BCKDHB: variants seen among roughly 807,000 people sequenced by gnomAD.
BCKDHB encodes 2-oxoisovalerate dehydrogenase subunit beta, mitochondrial.
Under a neutral mutation model 48.5 loss-of-function variants are expected in BCKDHB, and 41 were observed. That is an observed-to-expected ratio of 0.85 (90% confidence interval 0.66 to 1.10). The LOEUF is 1.10. Ranked by LOEUF, BCKDHB falls within the 50% of genes least tolerant of loss-of-function variation. The probability of loss-of-function intolerance (pLI) is 0.00; values close to 1 mark genes in which losing one functional copy is unlikely to be tolerated. For missense variants in BCKDHB, 496 were observed against 494.2 expected, an observed-to-expected ratio of 1.00 and a Z score of -0.03; for synonymous variants, 201 against 174.8, an observed-to-expected ratio of 1.15 and a Z score of -1.18.
chr6:80,298,949 A>G (rs969590043), intron 9 of BCKDHB, among the ~76,000 whole-genome samples: 1 of 152,164 alleles, frequency 6.6e-6, no homozygotes, highest in Non-Finnish European at 1.5e-5. Flanking sequence ...GGTCCCGTAT[A>G]TGCCTAATTC....
At chr6:80,465,890 G>A in the BCKDHB span, 1 of 152,164 alleles carries the variant, frequency 6.6e-6, no homozygotes, top group Non-Finnish European at 1.5e-5. Context: ...AGATTATGAA[G>A]GGTAGATGCT....
intron 9 of BCKDHB, among the ~76,000 whole-genome samples, chr6:80,288,982 A>G (rs1170442917): frequency 6.6e-6 from 1 of 152,136 alleles, no homozygotes. Flanking sequence ...GGGACAGAGC[A>G]TATCTGTGTG....
At chr6:80,265,123 A>C (rs915960114) in intron 8 of BCKDHB, among the ~76,000 whole-genome samples, 1 of 152,124 alleles carries the variant, frequency 6.6e-6, no homozygotes, top group Non-Finnish European at 1.5e-5. Context: ...GTAAAATGGT[A>C]TAGCCTCTGT....
chr6:80,193,174 G>C (rs533888180), intron 6 of BCKDHB, among the ~76,000 whole-genome samples: 7 of 152,014 alleles, frequency 4.6e-5, no homozygotes, highest in Non-Finnish European at 7.4e-5. Context: ...TTATGCAAAA[G>C]AACTGGAAAT....
intron 8 of BCKDHB, among the ~76,000 whole-genome samples, chr6:80,256,013 G>A (rs1009445430): frequency 1.3e-5 from 2 of 152,106 alleles, no homozygotes; most frequent in Non-Finnish European, 2.9e-5. Context: ...CCCCCCAAAG[G>A]CTGAAAGTTC....
At chr6:80,196,576 T>C (rs1415477888) in intron 6 of BCKDHB, among the ~76,000 whole-genome samples, 2 of 152,226 alleles carry the variant, frequency 1.3e-5, no homozygotes, top group African/African-American at 4.8e-5. Flanking sequence ...GCATCTTGCA[T>C]GATGCCTGCA....
At chr6:80,466,355 T>C in the BCKDHB span, among the ~76,000 whole-genome samples, 1 of 152,146 alleles carries the variant, frequency 6.6e-6, no homozygotes, top group South Asian at 2.1e-4. Flanking sequence ...GCATTTGAAA[T>C]TTTGTGAGAA....
rs566683698 is a variant in BCKDHB, at chr6:80,330,237, A to T, written c.1039-13427A>T. Among the ~76,000 whole-genome samples the T allele has an allele frequency of 3.0e-3, 462 of 152,282 alleles. 1 individual carries two copies. The highest frequency in any genetic ancestry group is 4.8e-3 in the Non-Finnish European group (325 of 68,014). Reference sequence around the variant, plus strand: ...ACCTTTTATCTAGGAAAGGGACATGATCAAAATGGCACCAGTGTGGCATCT... The same window carrying T: ...ACCTTTTATCTAGGAAAGGGACATGTTCAAAATGGCACCAGTGTGGCATCT... On this transcript the variant is annotated intron_variant, in intron 9 of 9. Transcript: ENST00000320393.
chr6:80,400,229 A>G, the BCKDHB span, among the ~76,000 whole-genome samples: 1 of 152,118 alleles, frequency 6.6e-6, no homozygotes, highest in African/African-American at 2.4e-5. Flanking sequence ...AAATTCACAA[A>G]TGGGATCTTA....
chr6:80,256,219 A>T (rs1355904850), intron 8 of BCKDHB, among the ~76,000 whole-genome samples: 1 of 152,212 alleles, frequency 6.6e-6, no homozygotes, highest in East Asian at 1.9e-4. Context: ...TGCATCACTT[A>T]ACGACAGGAG....
chr6:80,196,362 C>G (rs1248299555), intron 6 of BCKDHB, among the ~76,000 whole-genome samples: 2 of 152,124 alleles, frequency 1.3e-5, no homozygotes, highest in African/African-American at 4.8e-5. Flanking sequence ...ACCTCTGTCT[C>G]TAAGACCCAC....
the BCKDHB span, among the ~76,000 whole-genome samples, chr6:80,407,823 T>C: frequency 2.6e-5 from 4 of 152,160 alleles, no homozygotes; most frequent in East Asian, 5.8e-4. Context: ...GACTTCCTCT[T>C]TTTCTAATTG....
At chr6:80,376,549 G>A in the BCKDHB span, among the ~76,000 whole-genome samples, 2 of 152,124 alleles carry the variant, frequency 1.3e-5, no homozygotes, top group East Asian at 3.8e-4. Context: ...GGCTTTTCTG[G>A]TATGTTCTTG....
the BCKDHB span, among the ~76,000 whole-genome samples, chr6:80,421,881 A>G: frequency 1.3e-5 from 2 of 152,356 alleles, no homozygotes; most frequent in South Asian, 4.1e-4. Context: ...CAGAACATAA[A>G]TGTTTAGAAA....
intron 8 of BCKDHB, among the ~76,000 whole-genome samples, chr6:80,270,958 T>G (rs990557860): frequency 6.6e-5 from 10 of 152,256 alleles, no homozygotes; most frequent in Non-Finnish European, 1.0e-4. Flanking sequence ...GGGCTTTCCC[T>G]TTATTTTTAT....
intron 8 of BCKDHB, among the ~76,000 whole-genome samples, chr6:80,239,346 G>A (rs1327773776): frequency 7.0e-5 from 10 of 142,016 alleles, no homozygotes; most frequent in Non-Finnish European, 1.1e-4. Flanking sequence ...TTTCTCTGAT[G>A]GCCAGTGATG....
chr6:80,209,758 T>C (rs907348689), intron 8 of BCKDHB, among the ~76,000 whole-genome samples: 2 of 152,038 alleles, frequency 1.3e-5, no homozygotes, highest in African/African-American at 4.8e-5. Context: ...TCTTGTGCAC[T>C]AATAAAACAC....
At chr6:80,268,827 A>G (rs1440029352) in intron 8 of BCKDHB, among the ~76,000 whole-genome samples, 2 of 152,140 alleles carry the variant, frequency 1.3e-5, no homozygotes, top group Non-Finnish European at 2.9e-5. Flanking sequence ...AGTCTGTGCA[A>G]TCATTTTAAC....
intron 1 of BCKDHB, among the ~76,000 whole-genome samples, chr6:80,107,520 TATATATATGCATATATATATATGCACAC>T (rs1769172122): frequency 2.3e-5 from 3 of 131,686 alleles, no homozygotes; most frequent in East Asian, 2.1e-4. Context: ...TGCGCATATA[TATATATATGCATATATATATATGCACAC>T]ATATATATGC....
Sources: allele counts gnomAD v4.1 joint callset (sites outside exome capture counted in the v4.1 genomes callset), GRCh38; gene constraint gnomAD v4.1.1; transcripts MANE v1.5; gene names NCBI Gene and HGNC (gene_info 2026-07-23, HGNC 2026-07-21).